The following SIK3 variants were observed in gnomAD, a reference collection of about 807,000 sequenced individuals.
SIK3 encodes the protein SIK family kinase 3, also known as serine/threonine-protein kinase SIK3.
Under a neutral mutation model 144.2 loss-of-function variants are expected in SIK3, and 28 were observed. The ratio of observed to expected loss-of-function variants is 0.19; its 90% confidence interval spans 0.14 to 0.27. The LOEUF is 0.27. Among genes scored for constraint, SIK3 ranks in the 10% least tolerant of loss-of-function variants. SIK3 has a pLI of 1.00. For missense variants in SIK3, 1,319 were observed against 1,776.0 expected, an observed-to-expected ratio of 0.74 and a Z score of 4.62; for synonymous variants, 686 against 676.3, an observed-to-expected ratio of 1.01 and a Z score of -0.22.
At position 116,849,161 on chromosome 11, in the gene SIK3, G is replaced by A; in HGVS notation, c.3778C>T (p.Leu1260Phe). ...SVHEHHRPRALQRHHTIQNSD... is the reference protein window; with the variant it reads ...SVHEHHRPRAFQRHHTIQNSD... ...TTCTGGATCGTGTGGTGTCTCTGGA[G>A]GGCCCGGGGCCTGTGGTGCTCATGG... Residue 1260 changes from leucine to phenylalanine, a missense_variant, in exon 22 of 25, where the codon CTC becomes TTC. Physicochemically the swap from Leu to Phe is conservative, Grantham distance 22. Coordinates refer to ENST00000445177, the MANE Select transcript of SIK3 (RefSeq NM_001366686.3). This position sits in a 1 kb window ranked among gnomAD's most constrained non-coding sequence, Gnocchi z 4.2. 1 of 1,612,056 alleles carries A rather than the reference G, an allele frequency of 6.2e-7. No individual in the cohort carries two copies. Among genetic ancestry groups the A allele is most frequent in the Non-Finnish European group, 8.5e-7 (1 of 1,178,498 alleles).
intron 6 of SIK3, among the ~76,000 whole-genome samples, chr11:116,880,737 A>G (rs918812799): frequency 6.6e-6 from 1 of 152,210 alleles, no homozygotes; most frequent in East Asian, 1.9e-4. Context: ...CCCACAGGAC[A>G]TTCAATTTAC....
chr11:116,950,065 A>C, intron 3 of SIK3: 1 of 468,420 alleles, frequency 2.1e-6, no homozygotes, highest in Non-Finnish European at 4.4e-6. Context: ...CTAGCAGCAA[A>C]AGACAGTGAA....
At chr11:117,033,786 GA>G (rs745757951) in intron 1 of SIK3, among the ~76,000 whole-genome samples, 8 of 149,692 alleles carry the variant, frequency 5.3e-5, no homozygotes, top group East Asian at 1.9e-4. Flanking sequence ...CAGATTTGAA[GA>G]AAAAAATCTG....
intron 3 of SIK3, among the ~76,000 whole-genome samples, chr11:116,934,804 G>A (rs1469418227): frequency 6.6e-6 from 1 of 152,056 alleles, no homozygotes; most frequent in Non-Finnish European, 1.5e-5. Flanking sequence ...CATAGGCCGG[G>A]CGCGGTGGCT....
intron 1 of SIK3, among the ~76,000 whole-genome samples, chr11:116,981,349 C>A (rs1950134220): frequency 6.6e-6 from 1 of 152,208 alleles, no homozygotes; most frequent in South Asian, 2.1e-4. Flanking sequence ...TTCCTTTCCA[C>A]ATGGATCTCT....
chr11:117,015,948 A>G (rs567370836), intron 1 of SIK3: 3 of 152,246 alleles, frequency 2.0e-5, no homozygotes, highest in Admixed American at 1.3e-4. Flanking sequence ...TAGTGTCACT[A>G]AAGTTGGTAT....
At chr11:117,029,198 T>G (rs976134747) in intron 1 of SIK3, among the ~76,000 whole-genome samples, 1 of 152,088 alleles carries the variant, frequency 6.6e-6, no homozygotes, top group Non-Finnish European at 1.5e-5. Flanking sequence ...TGTGACCCAC[T>G]GTGCCCAGCC....
At chr11:116,978,523 A>G (rs1489792965) in intron 1 of SIK3, among the ~76,000 whole-genome samples, 1 of 150,736 alleles carries the variant, frequency 6.6e-6, no homozygotes, top group Non-Finnish European at 1.5e-5. Context: ...TTTTTTTTTG[A>G]GGCAGGGTCT....
intron 4 of SIK3, among the ~76,000 whole-genome samples, chr11:116,902,992 G>T (rs1443255532): frequency 6.6e-6 from 1 of 152,126 alleles, no homozygotes; most frequent in East Asian, 1.9e-4. Context: ...CTCTTTACTA[G>T]TATTTCACAT....
rs765180373 is a variant in SIK3 at position 116,858,520 on chromosome 11, C to T, written c.2945G>A (p.Ser982Asn). ...ATAGTGTGGCGGCTGCTGATGTGCA[C>T]TGGGAGGGAAGGTGGGGAATTGGTC... ...PLDQFPTFPP[S>N]AHQQPPHYTT... The change falls in exon 21 of 25, where the codon AGT becomes AAT. Residue 982 changes from serine (S) to asparagine (N), a missense_variant. Physicochemically the swap from Ser to Asn is conservative, Grantham distance 46. This residue lies in a region of SIK3 where 646 missense variants were observed against 763.7 expected (regional missense o/e 0.85). Transcript: ENST00000445177. The surrounding 1 kb of genome is among the most constrained non-coding windows in gnomAD (Gnocchi z 5.4). 6.2e-7 allele frequency: 1 copy of T among 1,612,512 alleles called. No homozygotes were observed. Among genetic ancestry groups the T allele is most frequent in the South Asian group, 1.1e-5 (1 of 90,738 alleles).
At chr11:117,066,170 G>A (rs576402547) in intron 1 of SIK3, among the ~76,000 whole-genome samples, 1 of 150,996 alleles carries the variant, frequency 6.6e-6, no homozygotes, top group Non-Finnish European at 1.5e-5. Flanking sequence ...CCGGATTCAA[G>A]TGATTCTCCT....
intron 11 of SIK3, 54 bp from the exon 12 acceptor site, chr11:116,874,110 G>T: frequency 6.3e-7 from 1 of 1,577,806 alleles, no homozygotes. Flanking sequence ...ACTCAAAAGT[G>T]CTTATATCCC....
chr11:116,862,353 T>A, intron 16 of SIK3, 26 bp from the exon 17 acceptor site: 1 of 1,613,866 alleles, frequency 6.2e-7, no homozygotes. Context: ...TTAATACAGA[T>A]GGGATGCAGC....
rs546134020 is a variant in SIK3 at position 117,020,959 on chromosome 11, G to T, written c.274-63895C>A. 2.0e-5 allele frequency among the ~76,000 whole-genome samples: 3 copies of T among 152,364 alleles called. No individual in the cohort carries two copies. The East Asian group carries it at 5.8e-4, about 29-fold the overall frequency. ...CCTGGAGCCTGTGACTGGCACTGAA[G>T]ACTGGGGACAGACTTGTGGGACTGA... On this transcript the variant is annotated intron_variant, in intron 1 of 24. Coordinates refer to ENST00000445177, the MANE Select transcript of SIK3 (RefSeq NM_001366686.3).
chr11:116,901,285 C>A (rs975233987), intron 4 of SIK3, among the ~76,000 whole-genome samples: 1 of 152,174 alleles, frequency 6.6e-6, no homozygotes, highest in African/African-American at 2.4e-5. Context: ...ATAGCAGAGA[C>A]TCAAGAAAGG....
chr11:117,063,174 T>C (rs1565607616), intron 1 of SIK3, among the ~76,000 whole-genome samples: 1 of 152,230 alleles, frequency 6.6e-6, no homozygotes, highest in Non-Finnish European at 1.5e-5. Context: ...TCATTGGGTC[T>C]AAATTATTAA....
chr11:116,938,602 AG>A (rs1948103325), intron 3 of SIK3, among the ~76,000 whole-genome samples: 1 of 12,586 alleles, frequency 7.9e-5, no homozygotes, highest in Admixed American at 1.1e-3. Flanking sequence ...AGAGGGGAGG[AG>A]AGGAGAGGAG....
intron 16 of SIK3, among the ~76,000 whole-genome samples, chr11:116,863,413 G>A (rs1396802468): frequency 2.0e-5 from 3 of 152,046 alleles, no homozygotes; most frequent in Admixed American, 6.6e-5. Context: ...ATCTTTTGGG[G>A]GAGAAAGGGT....
At chr11:117,087,360 T>C (rs1012103729) in intron 1 of SIK3, among the ~76,000 whole-genome samples, 2 of 152,034 alleles carry the variant, frequency 1.3e-5, no homozygotes, top group African/African-American at 4.8e-5. Flanking sequence ...AGAGAATCGC[T>C]TGAACCCAGG....
Sources: gnomAD v4.1 joint callset for allele counts (sites outside exome capture counted in the v4.1 genomes callset) on GRCh38, gnomAD v4.1.1 for gene constraint, gnomAD v4.1.1 regional missense constraint, Gnocchi (gnomAD v3.1) non-coding constraint, MANE v1.5 for transcripts, NCBI Gene and HGNC (gene_info 2026-07-23, HGNC 2026-07-21) for gene names.